VASP: variants seen among roughly 807,000 people sequenced by gnomAD.
VASP encodes the protein vasodilator-stimulated phosphoprotein.
A neutral mutation model predicts 54.4 loss-of-function variants in VASP; 27 were observed. That is an observed-to-expected ratio of 0.50 (90% CI 0.37 to 0.68). The LOEUF is 0.68. Among genes scored for constraint, VASP ranks in the 30% least tolerant of loss-of-function variants. The pLI is 0.00. For missense variants in VASP, 488 were observed against 528.3 expected (o/e 0.92, Z 0.75); for synonymous variants, 233 against 209.8 (o/e 1.11, Z -0.96).
chr19:45,523,136 A>G (rs905165742), intron 7 of VASP, among the ~76,000 whole-genome samples: 1 of 150,976 alleles, frequency 6.6e-6, no homozygotes, highest in Non-Finnish European at 1.5e-5. Context: ...CTGTTCCCTA[A>G]TATAAGAATC....
At chr19:45,520,656 G>A (rs556224782) in intron 3 of VASP, among the ~76,000 whole-genome samples, 1 of 152,182 alleles carries the variant, frequency 6.6e-6, no homozygotes, top group Non-Finnish European at 1.5e-5. Flanking sequence ...CCAAGTGGCT[G>A]TAACAGTGGT....
chr19:45,512,540 G>A (rs531468988), intron 1 of VASP, among the ~76,000 whole-genome samples: 1 of 151,828 alleles, frequency 6.6e-6, no homozygotes, highest in South Asian at 2.1e-4. Flanking sequence ...CGCCTGCTTC[G>A]GCCTCCCAAA....
At chr19:45,515,425 G>A (rs1968682012) in intron 1 of VASP, among the ~76,000 whole-genome samples, 1 of 152,198 alleles carries the variant, frequency 6.6e-6, no homozygotes, top group Admixed American at 6.5e-5. Context: ...CAGAGGGGCT[G>A]GTGGGAGGGT....
intron 1 of VASP, among the ~76,000 whole-genome samples, chr19:45,516,983 CAAAAAAA>C (rs112095290): frequency 4.4e-3 from 254 of 57,846 alleles, no homozygotes; most frequent in African/African-American, 0.015. Context: ...GACTCTGTCT[CAAAAAAA>C]AAAAAAAAAA....
Position 45,517,531 on chromosome 19 carries a change from T to C in VASP, c.6-132T>C. The C allele has an allele frequency of 2.7e-6, 3 of 1,121,998 alleles. No individual in the cohort carries two copies. The African/African-American group carries it at 4.7e-5, about 17-fold the overall frequency. 69.5% of individuals were successfully genotyped at this position (1,121,998 alleles called of 1,614,324 possible). On this transcript the variant is annotated intron_variant, in intron 1 of 12. Transcript: ENST00000245932. ...CTGATCTGTCTCCCCCGTCTCCTTC[T>C]GTCCACGTGGCTCCTGCCTCCCTCT...
intron 1 of VASP, among the ~76,000 whole-genome samples, chr19:45,509,173 G>A (rs181612999): frequency 9.4e-4 from 143 of 152,248 alleles, no homozygotes; most frequent in African/African-American, 3.0e-3. Context: ...CCCCTCCCGC[G>A]TTTGTTCCTT....
chr19:45,509,029 C>G (rs1325234810), intron 1 of VASP, among the ~76,000 whole-genome samples: 1 of 152,230 alleles, frequency 6.6e-6, no homozygotes. Context: ...CCCAAAGCCC[C>G]CAGCCTGAGC....
At chr19:45,513,342 T>C (rs1968637103) in intron 1 of VASP, among the ~76,000 whole-genome samples, 1 of 151,890 alleles carries the variant, frequency 6.6e-6, no homozygotes, top group Non-Finnish European at 1.5e-5. Flanking sequence ...CCTCTTGGAC[T>C]CAAGTGATCC....
At chr19:45,521,878 C>CAA (rs922602378) in intron 4 of VASP, among the ~76,000 whole-genome samples, 5 of 123,482 alleles carry the variant, frequency 4.0e-5, no homozygotes, top group African/African-American at 8.9e-5. Context: ...GACAGAGTCT[C>CAA]AAAAAAAAAA....
In VASP at chr19:45,507,702, C is replaced by A; in HGVS notation, c.-70C>A. ...CGAGCCCGGAGCCAGCCCCGAACCC[C>A]TGAACCTCCAGCCAGGGGCGCCCCG... On this transcript the variant is annotated 5_prime_UTR_variant, in exon 1 of 13. The change creates a new upstream start codon in the 5' untranslated region. Coordinates refer to ENST00000245932, the MANE Select transcript of VASP (RefSeq NM_003370.4). This position sits in a 1 kb window ranked among gnomAD's most constrained non-coding sequence, Gnocchi z 4.4. 2 of 1,514,312 alleles carry A rather than the reference C, an allele frequency of 1.3e-6. No homozygotes were observed. The highest frequency in any genetic ancestry group is 2.7e-5 in the East Asian group (1 of 37,708). 93.8% of individuals were successfully genotyped at this position (1,514,312 alleles called of 1,614,324 possible).
At chr19:45,510,372 C>G (rs1568384972) in intron 1 of VASP, among the ~76,000 whole-genome samples, 1 of 151,998 alleles carries the variant, frequency 6.6e-6, no homozygotes, top group Non-Finnish European at 1.5e-5. Flanking sequence ...ACTACAGGTG[C>G]CTGCCACCAT....
In VASP at chr19:45,519,175, C is replaced by T. The variant is rs370198399; in HGVS notation, c.343+1081C>T. On this transcript the variant is annotated intron_variant, in intron 3 of 12. Transcript: ENST00000245932. ...GACTATAGGCGTGAGCCACCACACC[C>T]GGGTAATTTTTTGTATCTTTAGTAG... 8.5e-5 allele frequency among the ~76,000 whole-genome samples: 13 copies of T among 152,272 alleles called. No individual in the cohort carries two copies. In the East Asian group the frequency reaches 1.2e-3, roughly 14 times the overall value.
chr19:45,517,763 G>A lies in VASP; in HGVS notation c.106G>A (p.Val36Ile), dbSNP rs201590902. The A allele has an allele frequency of 9.7e-5, 156 of 1,613,550 alleles. No homozygotes were observed. Among genetic ancestry groups the A allele is most frequent in the Non-Finnish European group, 1.1e-4 (128 of 1,180,014 alleles). ...CACGGGTCCCCAGGCCTTCAGCCGC[G>A]TCCAGATCTACCACAACCCCACGGC... ...AGTGPQAFSR[V>I]QIYHNPTANS... The change falls in exon 2 of 13, where the codon GTC (valine) becomes ATC (isoleucine). Residue 36 changes from valine (V) to isoleucine (I), a missense_variant. This residue lies in a region of VASP where 127 missense variants were observed against 170.7 expected (regional missense o/e 0.74). Coordinates refer to ENST00000245932, the MANE Select transcript of VASP (RefSeq NM_003370.4).
At chr19:45,524,738 C>A in intron 11 of VASP, 78 bp downstream of exon 11, 2 of 1,383,858 alleles carry the variant, frequency 1.4e-6, no homozygotes, top group Non-Finnish European at 2.0e-6. Flanking sequence ...CCGTATGATC[C>A]TAGATAACAT....
In VASP at chr19:45,507,861, G is replaced by C; in HGVS notation, c.5+85G>C. ...GTCCCCCTCCCCCCCAGCTAGCTCC[G>C]GGCTGGAATTTGGGGACAGATCCTT... On this transcript the variant is annotated intron_variant, in intron 1 of 12. Coordinates refer to ENST00000245932, the MANE Select transcript of VASP (RefSeq NM_003370.4). This position sits in a 1 kb window ranked among gnomAD's most constrained non-coding sequence, Gnocchi z 4.4. 3.7e-6 allele frequency: 3 copies of C among 819,954 alleles called. No homozygotes were observed. The highest frequency in any genetic ancestry group is 5.1e-6 in the Non-Finnish European group (3 of 593,586). The allele number at this position is 819,954 out of a possible 1,614,324, so 50.8% of individuals were successfully genotyped here.
intron 1 of VASP, among the ~76,000 whole-genome samples, chr19:45,516,159 A>T (rs12609862): frequency 6.6e-6 from 1 of 151,844 alleles, no homozygotes; most frequent in African/African-American, 2.4e-5. Flanking sequence ...TTGGTCCTAA[A>T]CCTGGGTTGG....
chr19:45,512,754 C>T (rs1364239797), intron 1 of VASP, among the ~76,000 whole-genome samples: 4 of 152,168 alleles, frequency 2.6e-5, no homozygotes, highest in Middle Eastern at 6.8e-3. Context: ...CGCCCGCCAC[C>T]ACGCCTGGCT....
intron 6 of VASP, 27 bp downstream of exon 6, chr19:45,522,608 G>T: frequency 6.7e-7 from 1 of 1,500,578 alleles, no homozygotes; most frequent in East Asian, 2.3e-5. Flanking sequence ...GGTGGGCAGG[G>T]GGCAACAGGG....
At chr19:45,517,578 A>G in intron 1 of VASP, 85 bp from the exon 2 acceptor site, 1 of 1,522,278 alleles carries the variant, frequency 6.6e-7, no homozygotes, top group Admixed American at 1.9e-5. Context: ...TTCCTTCCAC[A>G]CACTGTCTTT....
Sources: gnomAD v4.1 joint callset for allele counts (sites outside exome capture counted in the v4.1 genomes callset) on GRCh38, gnomAD v4.1.1 for gene constraint, gnomAD v4.1.1 regional missense constraint, Gnocchi (gnomAD v3.1) non-coding constraint, MANE v1.5 for transcripts, NCBI Gene and HGNC (gene_info 2026-07-23, HGNC 2026-07-21) for gene names.